The following TMEM132B variants were observed in gnomAD, a reference collection of about 807,000 sequenced individuals.
TMEM132B encodes transmembrane protein 132B.
Under a neutral mutation model 90.8 loss-of-function variants are expected in TMEM132B, and 18 were observed. That is an observed-to-expected ratio of 0.20 (90% CI 0.14 to 0.29). The LOEUF (loss-of-function observed/expected upper bound fraction) is 0.29. TMEM132B is among the 10% of genes least tolerant of loss of function. The pLI is 1.00. For missense variants in TMEM132B, 1,096 were observed against 1,326.8 expected (o/e 0.83, Z 2.70); for synonymous variants, 504 against 523.3 (o/e 0.96, Z 0.50).
At chr12:125,581,413 C>T (rs1020559529) in intron 4 of TMEM132B, among the ~76,000 whole-genome samples, 4 of 152,162 alleles carry the variant, frequency 2.6e-5, no homozygotes, top group African/African-American at 9.7e-5. Flanking sequence ...GGAAATCTTT[C>T]CCAGGAATAT....
chr12:125,547,722 T>A (rs1005537091), intron 4 of TMEM132B, among the ~76,000 whole-genome samples: 8 of 152,146 alleles, frequency 5.3e-5, no homozygotes, highest in African/African-American at 1.9e-4. Flanking sequence ...AAGGGCCTTC[T>A]CCAGGGTTAC....
chr12:125,496,583 T>C (rs911915901), intron 3 of TMEM132B, among the ~76,000 whole-genome samples: 6 of 152,116 alleles, frequency 3.9e-5, no homozygotes, highest in Non-Finnish European at 8.8e-5. Context: ...ATACATTGGC[T>C]CAAGGATGGG....
rs185554614 is a variant in TMEM132B, at chr12:125,247,368, C to T, written c.67+60502C>T. ...ATCTAGTTTAAAACCTCATAGGAGACAGGTTCTGGGGGATCTTTGGAGGTT... is the reference window on the plus strand; with the variant it reads ...ATCTAGTTTAAAACCTCATAGGAGATAGGTTCTGGGGGATCTTTGGAGGTT... On this transcript the variant is annotated intron_variant, in intron 1 of 8. Transcript: ENST00000682704. 1.2e-3 allele frequency among the ~76,000 whole-genome samples: 186 copies of T among 152,296 alleles called. 1 individual carries two copies. The highest frequency in any genetic ancestry group is 4.1e-3 in the African/African-American group (170 of 41,558).
intron 2 of TMEM132B, among the ~76,000 whole-genome samples, chr12:125,387,045 A>G (rs1878855912): frequency 6.6e-6 from 1 of 152,112 alleles, no homozygotes; most frequent in East Asian, 1.9e-4. Flanking sequence ...GTTGTCTAAG[A>G]AAAGTGGTTC....
chr12:125,192,331 A>G (rs1331040872), intron 1 of TMEM132B, among the ~76,000 whole-genome samples: 2 of 152,218 alleles, frequency 1.3e-5, no homozygotes, highest in African/African-American at 4.8e-5. Context: ...CTTAGCTACT[A>G]CATTCAGTTC....
intron 1 of TMEM132B, among the ~76,000 whole-genome samples, chr12:125,285,250 C>T (rs111688539): frequency 0.014 from 2,093 of 152,210 alleles, 43 homozygotes; most frequent in African/African-American, 0.048. Context: ...TCCTAAGAAC[C>T]GGGTGGACTG....
chr12:125,253,125 C>A (rs1052708363), intron 1 of TMEM132B, among the ~76,000 whole-genome samples: 1 of 152,082 alleles, frequency 6.6e-6, no homozygotes, highest in Non-Finnish European at 1.5e-5. Context: ...GAGGAAATGA[C>A]CCCCTCGTGG....
At chr12:125,305,814 C>G (rs997954418) in intron 1 of TMEM132B, among the ~76,000 whole-genome samples, 1 of 152,172 alleles carries the variant, frequency 6.6e-6, no homozygotes, top group Non-Finnish European at 1.5e-5. Context: ...TGCTTCCCAC[C>G]TGGCTGACGT....
At chr12:125,471,040 C>T (rs917597991) in intron 3 of TMEM132B, among the ~76,000 whole-genome samples, 4 of 152,230 alleles carry the variant, frequency 2.6e-5, no homozygotes, top group Non-Finnish European at 5.9e-5. Flanking sequence ...GGGAGCTGGC[C>T]GGCGCCCATG....
intron 3 of TMEM132B, among the ~76,000 whole-genome samples, chr12:125,436,867 A>G (rs1593146713): frequency 6.6e-6 from 1 of 152,120 alleles, no homozygotes; most frequent in Non-Finnish European, 1.5e-5. Flanking sequence ...GTTCCAGCCC[A>G]TCTTCTCCAA....
At chr12:125,293,745 G>A (rs1875600617) in intron 1 of TMEM132B, among the ~76,000 whole-genome samples, 1 of 152,152 alleles carries the variant, frequency 6.6e-6, no homozygotes, top group Non-Finnish European at 1.5e-5. Flanking sequence ...TGTGAATAGT[G>A]CTTATTGCAG....
At chr12:125,547,888 GC>G (rs1196810291) in intron 4 of TMEM132B, among the ~76,000 whole-genome samples, 2 of 152,306 alleles carry the variant, frequency 1.3e-5, no homozygotes, top group South Asian at 2.1e-4. Flanking sequence ...CCCATGTGCA[GC>G]CCCGAGTTAG....
intron 4 of TMEM132B, among the ~76,000 whole-genome samples, chr12:125,568,003 C>T (rs919181197): frequency 1.9e-4 from 29 of 152,180 alleles, no homozygotes; most frequent in African/African-American, 5.6e-4. Context: ...TCTAACCTTG[C>T]GTGCGTCTGT....
intron 3 of TMEM132B, among the ~76,000 whole-genome samples, chr12:125,430,552 T>A (rs1651478892): frequency 6.6e-6 from 1 of 152,100 alleles, no homozygotes; most frequent in Non-Finnish European, 1.5e-5. Context: ...CCAGGGAAGG[T>A]GGAGCTGGGT....
rs528347248 is a variant in TMEM132B, at chr12:125,251,709, T to G, written c.67+64843T>G. On this transcript the variant is annotated intron_variant, in intron 1 of 8. Transcript: ENST00000682704. This position sits in a 1 kb window ranked among gnomAD's most constrained non-coding sequence, Gnocchi z 4.4. ...GTTCCCCAGATGAAGGGGACAGTGG[T>G]AACTCAGTTCTAGTTTATTGGTTCT... 4.0e-4 allele frequency among the ~76,000 whole-genome samples: 61 copies of G among 152,200 alleles called. No individual in the cohort carries two copies. The highest frequency in any genetic ancestry group is 7.5e-4 in the Non-Finnish European group (51 of 68,032).
At chr12:125,625,258 G>C (rs1266236821) in intron 5 of TMEM132B, among the ~76,000 whole-genome samples, 1 of 149,768 alleles carries the variant, frequency 6.7e-6, no homozygotes, top group African/African-American at 2.5e-5. Context: ...TCAGCTTCCT[G>C]AGTAGCTGGG....
chr12:125,633,215 G>GTATGTCAGAA (rs1566095477), intron 5 of TMEM132B, among the ~76,000 whole-genome samples: 2 of 152,068 alleles, frequency 1.3e-5, no homozygotes, highest in African/African-American at 4.8e-5. Flanking sequence ...GTAAGTGACT[G>GTATGTCAGAA]GTGCGTTCTT....
chr12:125,453,234 A>G (rs978741081), intron 3 of TMEM132B, among the ~76,000 whole-genome samples: 1 of 152,176 alleles, frequency 6.6e-6, no homozygotes, highest in Non-Finnish European at 1.5e-5. Flanking sequence ...ACCTTTTTGT[A>G]GACTGCAAAA....
chr12:125,650,831 G>A lies in TMEM132B; in HGVS notation c.1792G>A (p.Asp598Asn), dbSNP rs1886890851. 3.7e-6 allele frequency: 6 copies of A among 1,614,190 alleles called. No individual in the cohort carries two copies. Among genetic ancestry groups the A allele is most frequent in the South Asian group, 2.2e-5 (2 of 91,076 alleles). ...GCAGCTGACCTACATGCTGGGCCCC[G>A]ACTGGCAGTTTGACATCACTGACCT... ...LGQLTYMLGPDWQFDITDLVT... is the reference protein window; with the variant it reads ...LGQLTYMLGPNWQFDITDLVT... Residue 598 changes from aspartate (D) to asparagine (N), a missense_variant, in exon 7 of 9, where the codon GAC becomes AAC. Transcript: ENST00000682704.
Sources: allele counts gnomAD v4.1 joint callset (sites outside exome capture counted in the v4.1 genomes callset), GRCh38; gene constraint gnomAD v4.1.1; non-coding constraint Gnocchi (gnomAD v3.1); transcripts MANE v1.5; gene names NCBI Gene and HGNC (gene_info 2026-07-23, HGNC 2026-07-21).